M1AP: variants seen among roughly 807,000 people sequenced by gnomAD.
The protein encoded by M1AP is meiosis 1 associated protein.
M1AP carries 39 observed loss-of-function variants against 51.2 expected under a neutral mutation model. The ratio of observed to expected loss-of-function variants is 0.76; its 90% CI spans 0.59 to 1.00. The LOEUF (loss-of-function observed/expected upper bound fraction) is 1.00, where lower values mean the gene tolerates loss of function less well. Among genes scored for constraint, M1AP ranks in the 50% least tolerant of loss-of-function variants. M1AP has a pLI of 0.00. For missense variants in M1AP, 545 were observed against 641.2 expected, an observed-to-expected ratio of 0.85 and a Z score of 1.62; for synonymous variants, 251 against 249.2, an observed-to-expected ratio of 1.01 and a Z score of -0.07.
intron 2 of M1AP, among the ~76,000 whole-genome samples, chr2:74,632,481 G>C (rs914160934): frequency 1.3e-5 from 2 of 152,062 alleles, no homozygotes; most frequent in Admixed American, 1.3e-4. Context: ...CCTACTCTGA[G>C]TCACTACTCA....
chr2:74,560,220 G>A lies in M1AP; in HGVS notation c.1353C>T (p.His451=). The A allele has an allele frequency of 6.2e-7, 1 of 1,614,008 alleles. No homozygotes were observed. The highest frequency in any genetic ancestry group is 1.1e-5 in the South Asian group (1 of 91,028). ...GAGGCTTGGCATAGATGCTGCTCAG[G>A]TGTGAGTACAGGTGGCTTTGAACAT... ...PLHVQSHLYS[H]LSSIYAKPQG... is the part of the protein sequence containing the mutation. Residue 451 remains histidine, a synonymous_variant, in exon 9 of 11, where the codon CAC becomes CAT. Transcript: ENST00000421985.
At chr2:74,606,885 CTTT>C (rs886357584) in intron 4 of M1AP, among the ~76,000 whole-genome samples, 167 bp downstream of exon 4, 1 of 151,872 alleles carries the variant, frequency 6.6e-6, no homozygotes, top group South Asian at 2.1e-4. Flanking sequence ...CATTAAGATT[CTTT>C]TTTTAAAATT....
intron 5 of M1AP, among the ~76,000 whole-genome samples, chr2:74,579,950 G>C (rs1679304032): frequency 6.6e-6 from 1 of 152,132 alleles, no homozygotes; most frequent in African/African-American, 2.4e-5. Flanking sequence ...TGAGACTACA[G>C]GTGCATACCA....
chr2:74,608,599 C>T (rs1558678157), intron 3 of M1AP, among the ~76,000 whole-genome samples: 1 of 152,154 alleles, frequency 6.6e-6, no homozygotes, highest in African/African-American at 2.4e-5. Context: ...GGGTAAATAC[C>T]AAGAAGCATG....
rs1440771689 is a variant in M1AP at position 74,615,012 on chromosome 2, G to A, written c.378C>T (p.Tyr126=). The part of the protein sequence containing the change: ...VEDGLQQFKQ[Y]SRHVTTRAAL... The stretch of plus-strand genomic sequence containing the variant: ...CTGCCCTTGTGGTCACATGTCTGCT[G>A]TATTGTTTGAATTGCTGGAGCCCAT... Residue 126 remains tyrosine, a synonymous_variant, in exon 3 of 11, where the codon TAC becomes TAT. Coordinates refer to ENST00000421985, the MANE Select transcript of M1AP (RefSeq NM_001321739.2). The A allele has an allele frequency of 6.2e-7, 1 of 1,614,072 alleles. No individual in the cohort carries two copies. The highest frequency in any genetic ancestry group is 8.5e-7 in the Non-Finnish European group (1 of 1,180,020).
At chr2:74,630,565 G>A (rs1177532243) in intron 2 of M1AP, among the ~76,000 whole-genome samples, 1 of 152,148 alleles carries the variant, frequency 6.6e-6, no homozygotes, top group Non-Finnish European at 1.5e-5. Flanking sequence ...TCCCACTTAT[G>A]AGTGAGAACA....
At chr2:74,588,108 G>A (rs374095480) in intron 4 of M1AP, among the ~76,000 whole-genome samples, 8 of 152,236 alleles carry the variant, frequency 5.3e-5, no homozygotes, top group African/African-American at 1.4e-4. Flanking sequence ...ATCTTCCCCC[G>A]TCTCACAGGG....
chr2:74,558,835 C>T lies in M1AP; in HGVS notation c.1474G>A (p.Ala492Thr), dbSNP rs765310085. The change falls in exon 11 of 11, where the codon GCC becomes ACC. Residue 492 changes from alanine (A) to threonine (T), a missense_variant. Transcript: ENST00000421985. ...LQTNRARATV[A>T]PLPMTPVPGR... ...GGGACAGGAGTCATAGGCAGGGGGG[C>T]CACAGTAGCTCGAGCTCGGTTGGTC... 1.1e-5 allele frequency: 18 copies of T among 1,604,060 alleles called. No homozygotes were observed. In the South Asian group the frequency reaches 2.0e-4, roughly 18 times the overall value.
intron 3 of M1AP, among the ~76,000 whole-genome samples, chr2:74,607,490 T>C (rs2104704718): frequency 6.6e-6 from 1 of 152,316 alleles, no homozygotes; most frequent in East Asian, 1.9e-4. Context: ...GTCTTTTTTT[T>C]TGAGACGGAG....
intron 4 of M1AP, among the ~76,000 whole-genome samples, chr2:74,583,945 T>C (rs557429353): frequency 1.3e-5 from 2 of 152,336 alleles, no homozygotes; most frequent in East Asian, 1.9e-4. Flanking sequence ...TGAGGATTCA[T>C]TGTTAACTAG....
At chr2:74,564,466 C>T (rs1678246313) in intron 7 of M1AP, among the ~76,000 whole-genome samples, 1 of 152,130 alleles carries the variant, frequency 6.6e-6, no homozygotes, top group African/African-American at 2.4e-5. Flanking sequence ...GGGGGTGGGA[C>T]AGATGATTTG....
chr2:74,598,627 T>A (rs917324420), intron 4 of M1AP, among the ~76,000 whole-genome samples: 138 of 146,362 alleles, frequency 9.4e-4, no homozygotes, highest in African/African-American at 3.4e-3. Flanking sequence ...TCAACTTTTT[T>A]TTTTTTTTTT....
At chr2:74,614,781 A>G (rs902665929) in intron 3 of M1AP, among the ~76,000 whole-genome samples, 183 bp downstream of exon 3, 5 of 152,228 alleles carry the variant, frequency 3.3e-5, no homozygotes, top group Non-Finnish European at 5.9e-5. Context: ...CTCTACATTA[A>G]GAACTGTACA....
intron 5 of M1AP, among the ~76,000 whole-genome samples, chr2:74,578,247 G>A (rs1404939897): frequency 6.6e-6 from 1 of 152,216 alleles, no homozygotes; most frequent in Non-Finnish European, 1.5e-5. Context: ...GTCTCTGGGG[G>A]TGAAGCCCAG....
At chr2:74,628,025 T>C (rs1381427564) in intron 2 of M1AP, among the ~76,000 whole-genome samples, 1 of 152,202 alleles carries the variant, frequency 6.6e-6, no homozygotes, top group East Asian at 1.9e-4. Context: ...ATAAACTCTT[T>C]CATTAATTTG....
At chr2:74,604,201 C>T (rs372720247) in intron 4 of M1AP, among the ~76,000 whole-genome samples, 1 of 152,336 alleles carries the variant, frequency 6.6e-6, no homozygotes, top group East Asian at 1.9e-4. Flanking sequence ...GCCTGACAGG[C>T]TCTGGTGTAG....
At chr2:74,567,408 G>T (rs1678460919) in intron 7 of M1AP, among the ~76,000 whole-genome samples, 1 of 152,190 alleles carries the variant, frequency 6.6e-6, no homozygotes, top group South Asian at 2.1e-4. Flanking sequence ...GAGCACTCCT[G>T]CAATCAATAT....
In M1AP at chr2:74,626,379, G is replaced by C. The variant is rs185596739; in HGVS notation, c.241-11230C>G. ...GGATCCCCTCGCCTCAGCCACCTGA[G>C]TAGCTAGGATTACAGTTGCAGGCCA... On this transcript the variant is annotated intron_variant, in intron 2 of 10. Coordinates refer to ENST00000421985, the MANE Select transcript of M1AP (RefSeq NM_001321739.2). Among the ~76,000 whole-genome samples the C allele has an allele frequency of 2.6e-3, 390 of 151,204 alleles. 4 individuals are homozygous for C. The highest frequency in any genetic ancestry group is 4.7e-3 in the Non-Finnish European group (317 of 67,856).
chr2:74,643,951 TA>T (rs1445985417), intron 1 of M1AP, among the ~76,000 whole-genome samples: 1 of 152,148 alleles, frequency 6.6e-6, no homozygotes, highest in Non-Finnish European at 1.5e-5. Context: ...TTTCTACTAT[TA>T]AACTACACAT....
Sources: allele counts gnomAD v4.1 joint callset (sites outside exome capture counted in the v4.1 genomes callset), GRCh38; gene constraint gnomAD v4.1.1; transcripts MANE v1.5; gene names NCBI Gene and HGNC (gene_info 2026-07-23, HGNC 2026-07-21).